Variants in MEGF6 observed in about 807,000 individuals in gnomAD.
MEGF6 encodes multiple EGF like domains 6, also known as multiple epidermal growth factor-like domains protein 6.
In MEGF6, 184 loss-of-function variants were observed where a neutral mutation model predicts 207.1. The observed-to-expected ratio is 0.89, with a 90% CI of 0.79 to 1.00. The LOEUF is 1.00. Among genes scored for constraint, MEGF6 ranks in the 50% least tolerant of loss-of-function variants. The probability of loss-of-function intolerance (pLI) is 0.00; values close to 1 mark genes in which losing one functional copy is unlikely to be tolerated. For synonymous variants in MEGF6, 1,038 were observed against 910.0 expected (o/e 1.14, Z -2.53); for missense variants, 2,282 against 2,202.9 (o/e 1.04, Z -0.72).
At chr1:3,512,571 T>G (rs1452169432) in intron 7 of MEGF6, among the ~76,000 whole-genome samples, 1 of 152,226 alleles carries the variant, frequency 6.6e-6, no homozygotes, top group East Asian at 1.9e-4. Context: ...GGGTCTTTCC[T>G]GTGCTGTTCT....
intron 4 of MEGF6, among the ~76,000 whole-genome samples, chr1:3,557,629 C>T (rs1343112041): frequency 6.6e-6 from 1 of 152,242 alleles, no homozygotes; most frequent in African/African-American, 2.4e-5. Context: ...GGGAGCCGGA[C>T]ACAGGGCCCG....
chr1:3,576,648 C>T lies in MEGF6; in HGVS notation c.481+3177G>A, dbSNP rs149317421. On this transcript the variant is annotated intron_variant, in intron 4 of 36. Coordinates refer to ENST00000356575, the MANE Select transcript of MEGF6 (RefSeq NM_001409.4). ...CAGGCAGCACCCCCTCAGCCCTGGT[C>T]CTGCACACCTGGCCCTGCAAACCCG... is the stretch of plus-strand genomic sequence containing the variant. Among the ~76,000 whole-genome samples the T allele has an allele frequency of 8.5e-3, 1,294 of 151,942 alleles. 13 individuals are homozygous for T. Among genetic ancestry groups the T allele is most frequent in the African/African-American group, 0.029 (1,206 of 41,410 alleles).
intron 4 of MEGF6, among the ~76,000 whole-genome samples, chr1:3,572,327 TG>T (rs1643525914): frequency 3.3e-5 from 3 of 90,586 alleles, no homozygotes; most frequent in Non-Finnish European, 6.4e-5. Context: ...TGGGTCCTCC[TG>T]GGTGTGCTGG....
chr1:3,491,004 A>G (rs1232559377), intron 35 of MEGF6, 45 bp from the exon 36 acceptor site: 1 of 1,529,174 alleles, frequency 6.5e-7, no homozygotes, highest in East Asian at 2.3e-5. Context: ...CCCAGCCTTG[A>G]GTGAGCCACA....
chr1:3,604,249 C>G (rs1334899564), intron 1 of MEGF6, among the ~76,000 whole-genome samples: 1 of 152,252 alleles, frequency 6.6e-6, no homozygotes, highest in Non-Finnish European at 1.5e-5. Flanking sequence ...GTTTCCCAAA[C>G]GTCCCATCCC....
upstream of MEGF6, among the ~76,000 whole-genome samples, chr1:3,615,273 C>G (rs181345584): frequency 4.5e-3 from 680 of 152,300 alleles, 5 homozygotes; most frequent in African/African-American, 0.016. Flanking sequence ...TCTGACCCCC[C>G]AAGGAGGCAA....
intron 7 of MEGF6, among the ~76,000 whole-genome samples, chr1:3,513,577 C>CTTTTT (rs757815891): frequency 3.5e-5 from 2 of 56,540 alleles, no homozygotes; most frequent in African/African-American, 7.4e-5. Flanking sequence ...CACACCTGGG[C>CTTTTT]TTTTTTTTTT....
chr1:3,549,921 GCT>G (rs1418911613), intron 4 of MEGF6, among the ~76,000 whole-genome samples: 1 of 152,154 alleles, frequency 6.6e-6, no homozygotes. Flanking sequence ...ACCAGGCTAG[GCT>G]CTGAGTCTTC....
At chr1:3,508,910 G>A (rs1005079194) in intron 12 of MEGF6, among the ~76,000 whole-genome samples, 165 bp downstream of exon 12, 65 of 152,174 alleles carry the variant, frequency 4.3e-4, no homozygotes, top group African/African-American at 9.7e-5. Context: ...CACGAGCTGC[G>A]CAAACTGAGC....
At chr1:3,512,403 C>T (rs529530443) in intron 7 of MEGF6, among the ~76,000 whole-genome samples, 14 of 152,346 alleles carry the variant, frequency 9.2e-5, no homozygotes, top group South Asian at 2.1e-4. Context: ...TCAGTGAGGA[C>T]GTGGAACCAC....
At chr1:3,497,689 G>C (rs1247135170) in intron 26 of MEGF6, 7 of 495,118 alleles carry the variant, frequency 1.4e-5, no homozygotes, top group Non-Finnish European at 2.6e-5. Context: ...GAAGGCGAAG[G>C]AGCCGGGAGA....
intron 1 of MEGF6, among the ~76,000 whole-genome samples, chr1:3,610,797 C>T (rs1440967952): frequency 1.3e-5 from 2 of 152,212 alleles, no homozygotes; most frequent in African/African-American, 4.8e-5. Flanking sequence ...TCTGCCTTCT[C>T]CCAGCCGGGC....
upstream of MEGF6, among the ~76,000 whole-genome samples, chr1:3,616,400 T>C (rs1173731343): frequency 6.6e-6 from 1 of 152,140 alleles, no homozygotes; most frequent in South Asian, 2.1e-4. Flanking sequence ...AGTCCTCACG[T>C]CAACACCAAC....
At chr1:3,544,059 G>A (rs762301618) in intron 4 of MEGF6, among the ~76,000 whole-genome samples, 2 of 152,176 alleles carry the variant, frequency 1.3e-5, no homozygotes, top group Non-Finnish European at 2.9e-5. Context: ...CGCACCACTC[G>A]CTGACACAGG....
Position 3,498,379 on chromosome 1 carries a change from C to A in MEGF6, c.3344G>T (p.Cys1115Phe), listed in dbSNP as rs769222885. ...LCPAGWTGDK[C>F]QSPCLRGWFG... is the part of the protein sequence containing the mutation. ...TGCCCCGCCCCACTCACGGCTCTGA[C>A]ACTTGTCCCCAGTCCAGCCGGCTGG... The change falls in exon 26 of 37, where the codon TGT becomes TTT. Residue 1115 changes from cysteine to phenylalanine, a missense_variant. Coordinates refer to ENST00000356575, the MANE Select transcript of MEGF6 (RefSeq NM_001409.4). 1.9e-6 allele frequency: 3 copies of A among 1,601,988 alleles called. No homozygotes were observed. Among genetic ancestry groups the A allele is most frequent in the Non-Finnish European group, 1.7e-6 (2 of 1,177,518 alleles).
intron 4 of MEGF6, among the ~76,000 whole-genome samples, chr1:3,538,256 G>A (rs902317204): frequency 1.3e-5 from 2 of 152,120 alleles, no homozygotes; most frequent in Admixed American, 6.5e-5. Context: ...AGAGCAGACC[G>A]GCCTCCCCAG....
At position 3,493,887 on chromosome 1, in the gene MEGF6, C is replaced by A. The variant is rs752258858; in HGVS notation, c.4271G>T (p.Gly1424Val). ...CTGGTGGCAGCCCTCTCCAAATGAA[C>A]CTGGCTCACACCCTGGTGGGGGCAG... The part of the protein sequence containing the change: ...GHFCERGCEP[G>V]SFGEGCHQRC... Residue 1424 changes from glycine (G) to valine (V), a missense_variant, in exon 34 of 37, where the codon GGT (glycine) becomes GTT (valine). Gly to Val is a moderately radical substitution (Grantham distance 109). Transcript: ENST00000356575. 1.9e-6 allele frequency: 3 copies of A among 1,592,388 alleles called. No individual in the cohort carries two copies. In the Admixed American group the frequency reaches 5.3e-5, roughly 28 times the overall value.
intron 5 of MEGF6, 138 bp downstream of exon 5, chr1:3,523,986 G>T: frequency 3.0e-6 from 3 of 987,530 alleles, no homozygotes; most frequent in Non-Finnish European, 4.4e-6. Context: ...GCCATGCTCC[G>T]CAGGAAGGAG....
At chr1:3,612,666 G>GT (rs1416942340), upstream of MEGF6, among the ~76,000 whole-genome samples, 1 of 152,188 alleles carries the variant, frequency 6.6e-6, no homozygotes, top group Non-Finnish European at 1.5e-5. Context: ...CCTGTTCCTT[G>GT]GAACCTTCCC....
Sources: allele counts gnomAD v4.1 joint callset (sites outside exome capture counted in the v4.1 genomes callset), GRCh38; gene constraint gnomAD v4.1.1; transcripts MANE v1.5; gene names NCBI Gene and HGNC (gene_info 2026-07-23, HGNC 2026-07-21).